The following SRBD1 variants were observed in gnomAD, a reference collection of about 807,000 sequenced individuals.
SRBD1 encodes S1 RNA binding domain 1, also known as S1 RNA-binding domain-containing protein 1.
In SRBD1, 88 loss-of-function variants were observed where a neutral mutation model predicts 115.3. The observed-to-expected ratio is 0.76, with a 90% CI of 0.64 to 0.91. The LOEUF is 0.91. Ranked by LOEUF, SRBD1 falls within the 40% of genes least tolerant of loss-of-function variation. SRBD1 has a pLI of 0.00. For synonymous variants in SRBD1, 509 were observed against 407.7 expected (o/e 1.25, Z -2.99); for missense variants, 1,385 against 1,177.4 (o/e 1.18, Z -2.58).
At chr2:45,550,493 CAAAA>C (rs3064241) in intron 12 of SRBD1, among the ~76,000 whole-genome samples, 1 of 135,674 alleles carries the variant, frequency 7.4e-6, no homozygotes, top group African/African-American at 2.7e-5. Flanking sequence ...TTACAGTAGC[CAAAA>C]AAAAAAAAAA....
intron 16 of SRBD1, among the ~76,000 whole-genome samples, chr2:45,424,449 T>A (rs560893554): frequency 6.6e-6 from 1 of 152,296 alleles, no homozygotes. Flanking sequence ...ATGTACTATA[T>A]ATGCTCATAG....
intron 4 of SRBD1, among the ~76,000 whole-genome samples, chr2:45,596,920 C>T (rs541558184): frequency 3.3e-5 from 4 of 121,754 alleles, no homozygotes; most frequent in East Asian, 4.2e-4. Flanking sequence ...AACACCCCCC[C>T]ACAACCCTAA....
chr2:45,546,457 C>A, intron 14 of SRBD1: 1 of 627,498 alleles, frequency 1.6e-6, no homozygotes, highest in Non-Finnish European at 2.0e-6. Context: ...AACCCTCACA[C>A]AATGTATAGC....
chr2:45,573,488 C>G (rs1673084375), intron 8 of SRBD1, 146 bp from the exon 9 acceptor site: 3 of 881,680 alleles, frequency 3.4e-6, no homozygotes, highest in Admixed American at 3.4e-5. Context: ...ATTGATATTA[C>G]TACCCCATCA....
chr2:45,492,690 C>T (rs992665430), intron 14 of SRBD1, among the ~76,000 whole-genome samples: 13 of 152,196 alleles, frequency 8.5e-5, no homozygotes, highest in African/African-American at 2.7e-4. Flanking sequence ...CCGCCTGCCT[C>T]GGCCTCCCAA....
At chr2:45,490,838 T>A (rs568313292) in intron 14 of SRBD1, among the ~76,000 whole-genome samples, 1 of 152,270 alleles carries the variant, frequency 6.6e-6, no homozygotes, top group African/African-American at 2.4e-5. Flanking sequence ...ATGTGACACA[T>A]TGCACCCAAA....
At chr2:45,490,165 T>A (rs1426118279) in intron 14 of SRBD1, among the ~76,000 whole-genome samples, 2 of 152,158 alleles carry the variant, frequency 1.3e-5, no homozygotes, top group Non-Finnish European at 1.5e-5. Context: ...TAAATAAAGC[T>A]TGTAGTGAAG....
intron 18 of SRBD1, among the ~76,000 whole-genome samples, chr2:45,416,318 G>C (rs1305279676): frequency 6.6e-6 from 1 of 151,540 alleles, no homozygotes; most frequent in Non-Finnish European, 1.5e-5. Flanking sequence ...AAATTTCAAA[G>C]CAAAAAACAT....
chr2:45,516,268 C>T (rs1413561793), intron 14 of SRBD1, among the ~76,000 whole-genome samples: 5 of 152,108 alleles, frequency 3.3e-5, no homozygotes, highest in African/African-American at 4.8e-5. Context: ...TATTACTTTT[C>T]GAAAATAAAT....
At chr2:45,555,880 T>A (rs370678014) in intron 10 of SRBD1, among the ~76,000 whole-genome samples, 1 of 152,152 alleles carries the variant, frequency 6.6e-6, no homozygotes, top group Non-Finnish European at 1.5e-5. Context: ...GTTGGTCCTA[T>A]GATACTATCC....
chr2:45,479,974 T>G (rs998780021), intron 15 of SRBD1, among the ~76,000 whole-genome samples: 1 of 152,174 alleles, frequency 6.6e-6, no homozygotes, highest in Non-Finnish European at 1.5e-5. Flanking sequence ...ATGCTAGATC[T>G]ACTCTGCTTG....
intron 14 of SRBD1, among the ~76,000 whole-genome samples, chr2:45,538,099 T>C (rs951513705): frequency 3.8e-4 from 58 of 152,200 alleles, no homozygotes; most frequent in African/African-American, 1.4e-3. Flanking sequence ...TGAGAATGGC[T>C]GGTCTGAAGC....
intron 15 of SRBD1, among the ~76,000 whole-genome samples, chr2:45,486,535 G>C (rs1461275689): frequency 1.3e-5 from 2 of 151,874 alleles, no homozygotes; most frequent in African/African-American, 2.4e-5. Flanking sequence ...AGACCATCCT[G>C]GTTAACATGG....
intron 4 of SRBD1, among the ~76,000 whole-genome samples, chr2:45,595,792 A>G (rs1394163403): frequency 6.6e-6 from 1 of 152,226 alleles, no homozygotes; most frequent in Non-Finnish European, 1.5e-5. Context: ...GTTAAATAAA[A>G]AGAACCCAAA....
Position 45,418,441 on chromosome 2 carries a change from C to A in SRBD1, c.2257G>T (p.Gly753Trp), listed in dbSNP as rs200459688. Residue 753 changes from glycine to tryptophan, a missense_variant, in exon 18 of 21, where the codon GGG becomes TGG. Transcript: ENST00000263736. ...TGTTGGAAGGATTTTGGGCCCAGCC[C>A]TTTCACTTTCTTCAGCTGTTCTCGG... The part of the protein sequence containing the change: ...INREQLKKVK[G>W]LGPKSFQQCA... 2.6e-5 allele frequency: 42 copies of A among 1,613,706 alleles called. No individual in the cohort carries two copies. Among genetic ancestry groups the A allele is most frequent in the Admixed American group, 5.0e-5 (3 of 59,950 alleles).
At chr2:45,410,353 G>C (rs1667563072) in intron 19 of SRBD1, among the ~76,000 whole-genome samples, 1 of 152,116 alleles carries the variant, frequency 6.6e-6, no homozygotes, top group Non-Finnish European at 1.5e-5. Flanking sequence ...TCTACCTCAT[G>C]ACTTATCAAT....
chr2:45,550,583 T>C lies in SRBD1; in HGVS notation c.1675+542A>G, dbSNP rs553523510. On this transcript the variant is annotated intron_variant, in intron 12 of 20. Transcript: ENST00000263736. Reference sequence around the variant, plus strand: ...CCAAGCAAAAAATATTCTTCAAAAATGAAGGCAAAACAGAGATGTTTTCAG... The same window carrying C: ...CCAAGCAAAAAATATTCTTCAAAAACGAAGGCAAAACAGAGATGTTTTCAG... Among the ~76,000 whole-genome samples, 4 of 150,026 alleles carry C rather than the reference T, an allele frequency of 2.7e-5. No homozygotes were observed. The South Asian group carries it at 6.3e-4, about 24-fold the overall frequency.
chr2:45,424,420 T>C (rs1668092550), intron 16 of SRBD1, among the ~76,000 whole-genome samples: 1 of 152,118 alleles, frequency 6.6e-6, no homozygotes, highest in Admixed American at 6.5e-5. Flanking sequence ...GACCCAAAAT[T>C]TGAAAAAACG....
intron 7 of SRBD1, among the ~76,000 whole-genome samples, chr2:45,577,732 C>G (rs550826456): frequency 6.6e-6 from 1 of 151,392 alleles, no homozygotes; most frequent in East Asian, 1.9e-4. Flanking sequence ...AAACTTCTTT[C>G]GAAAAACAAG....
Sources: gnomAD v4.1 joint callset for allele counts (sites outside exome capture counted in the v4.1 genomes callset) on GRCh38, gnomAD v4.1.1 for gene constraint, MANE v1.5 for transcripts, NCBI Gene and HGNC (gene_info 2026-07-23, HGNC 2026-07-21) for gene names.